The following IGSF21 variants were observed in gnomAD, a reference collection of about 807,000 sequenced individuals.
IGSF21 encodes the protein immunoglobulin superfamily member 21.
IGSF21 carries 28 observed loss-of-function variants against 46.8 expected under a neutral mutation model. The observed-to-expected ratio is 0.60, with a 90% CI of 0.44 to 0.82. IGSF21 has a LOEUF of 0.82. IGSF21 is among the 40% of genes least tolerant of loss of function. The pLI, the probability that IGSF21 is intolerant of heterozygous loss-of-function variation, is 0.00. For synonymous variants in IGSF21, 284 were observed against 273.6 expected, an observed-to-expected ratio of 1.04 and a Z score of -0.38; for missense variants, 624 against 665.5, an observed-to-expected ratio of 0.94 and a Z score of 0.69.
At chr1:18,241,158 T>C (rs1038012754) in intron 2 of IGSF21, among the ~76,000 whole-genome samples, 1 of 152,150 alleles carries the variant, frequency 6.6e-6, no homozygotes, top group Non-Finnish European at 1.5e-5. Context: ...ACGAATTTTA[T>C]AGGGTTCAGA....
chr1:18,169,338 T>C (rs1447209736), intron 1 of IGSF21, among the ~76,000 whole-genome samples: 1 of 152,150 alleles, frequency 6.6e-6, no homozygotes, highest in Non-Finnish European at 1.5e-5. Flanking sequence ...GCTTGGGGAA[T>C]TCCACTCATG....
At chr1:18,183,165 CGGA>C (rs1228609768) in intron 1 of IGSF21, among the ~76,000 whole-genome samples, 2 of 152,282 alleles carry the variant, frequency 1.3e-5, no homozygotes, top group East Asian at 3.9e-4. Flanking sequence ...ATTCCCCTGG[CGGA>C]GGCACGATCT....
intron 3 of IGSF21, among the ~76,000 whole-genome samples, chr1:18,300,511 C>A (rs528753234): frequency 2.0e-5 from 3 of 152,202 alleles, no homozygotes; most frequent in Non-Finnish European, 4.4e-5. Context: ...AGAGTCCATT[C>A]CCTGAGGCCA....
At chr1:18,185,697 C>T (rs2086896875) in intron 1 of IGSF21, among the ~76,000 whole-genome samples, 1 of 152,218 alleles carries the variant, frequency 6.6e-6, no homozygotes, top group Admixed American at 6.5e-5. Context: ...AACTTTACCT[C>T]TCCGTGCCTC....
intron 1 of IGSF21, among the ~76,000 whole-genome samples, chr1:18,144,015 G>T (rs1382911443): frequency 1.3e-5 from 2 of 152,214 alleles, no homozygotes; most frequent in Non-Finnish European, 2.9e-5. Flanking sequence ...GATGGCAGAA[G>T]ACTGTCTCCC....
chr1:18,151,736 G>C (rs749166610), intron 1 of IGSF21, among the ~76,000 whole-genome samples: 1 of 152,146 alleles, frequency 6.6e-6, no homozygotes, highest in Non-Finnish European at 1.5e-5. Context: ...GGGGGCTGTG[G>C]GGGGCGGGTC....
At chr1:18,146,417 T>C (rs1308720687) in intron 1 of IGSF21, among the ~76,000 whole-genome samples, 1 of 152,074 alleles carries the variant, frequency 6.6e-6, no homozygotes, top group Non-Finnish European at 1.5e-5. Context: ...GCGGGCGACC[T>C]TGACTGAGTC....
chr1:18,217,865 T>C (rs2084465370), intron 1 of IGSF21, among the ~76,000 whole-genome samples: 1 of 152,344 alleles, frequency 6.6e-6, no homozygotes, highest in Admixed American at 6.5e-5. Flanking sequence ...TCTCCTCACC[T>C]GTAGAATGGG....
chr1:18,252,078 T>G, intron 2 of IGSF21, among the ~76,000 whole-genome samples: 1 of 98,196 alleles, frequency 1.0e-5, no homozygotes, highest in African/African-American at 4.1e-5. Context: ...TGAGATGGAG[T>G]CTCCCTCTGT....
intron 4 of IGSF21, among the ~76,000 whole-genome samples, chr1:18,352,090 T>G (rs537557917): frequency 6.6e-6 from 1 of 152,296 alleles, no homozygotes; most frequent in African/African-American, 2.4e-5. Flanking sequence ...TGAAGTCCTT[T>G]GATCCAATCA....
chr1:18,368,563 G>T (rs983454287), intron 6 of IGSF21, among the ~76,000 whole-genome samples: 1 of 144,466 alleles, frequency 6.9e-6, no homozygotes, highest in Non-Finnish European at 1.5e-5. Flanking sequence ...GCATCACAAG[G>T]CCAGGCCCTG....
intron 2 of IGSF21, among the ~76,000 whole-genome samples, chr1:18,286,836 C>G (rs891080973): frequency 6.6e-6 from 1 of 152,180 alleles, no homozygotes; most frequent in Non-Finnish European, 1.5e-5. Flanking sequence ...ATTTATCGAG[C>G]GAGTGCCATT....
intron 1 of IGSF21, among the ~76,000 whole-genome samples, chr1:18,121,638 A>C (rs1210726515): frequency 6.6e-6 from 1 of 152,130 alleles, no homozygotes; most frequent in Non-Finnish European, 1.5e-5. Flanking sequence ...CATCTGTCGG[A>C]TCTGCCATCC....
At chr1:18,369,304 C>A (rs1408785148) in intron 6 of IGSF21, among the ~76,000 whole-genome samples, 1 of 152,236 alleles carries the variant, frequency 6.6e-6, no homozygotes, top group East Asian at 1.9e-4. Flanking sequence ...GTTTTGAGCA[C>A]CTACTCAGAG....
At chr1:18,161,160 C>G (rs1308439954) in intron 1 of IGSF21, among the ~76,000 whole-genome samples, 2 of 152,132 alleles carry the variant, frequency 1.3e-5, no homozygotes, top group African/African-American at 4.8e-5. Context: ...TCGGCCCTCT[C>G]CCGTTTTAGC....
chr1:18,184,258 A>G (rs2086882466), intron 1 of IGSF21, among the ~76,000 whole-genome samples: 1 of 152,108 alleles, frequency 6.6e-6, no homozygotes, highest in Non-Finnish European at 1.5e-5. Flanking sequence ...AGATGATGAG[A>G]GATATTCCAA....
intron 1 of IGSF21, among the ~76,000 whole-genome samples, chr1:18,125,782 G>A (rs1369257195): frequency 6.6e-6 from 1 of 152,198 alleles, no homozygotes; most frequent in Non-Finnish European, 1.5e-5. Flanking sequence ...AGTAGTAACT[G>A]CTATGAAGAA....
At chr1:18,237,553 T>A (rs781120763) in intron 2 of IGSF21, among the ~76,000 whole-genome samples, 3 of 152,168 alleles carry the variant, frequency 2.0e-5, no homozygotes, top group African/African-American at 7.2e-5. Flanking sequence ...TATTACTTCA[T>A]CTTCTCTTTT....
At chr1:18,271,726 C>G (rs911258491) in intron 2 of IGSF21, among the ~76,000 whole-genome samples, 2 of 152,184 alleles carry the variant, frequency 1.3e-5, no homozygotes, top group Non-Finnish European at 2.9e-5. Flanking sequence ...CAGTCTTGGG[C>G]TCAAACCCAC....
Sources: gnomAD v4.1 joint callset for allele counts (sites outside exome capture counted in the v4.1 genomes callset) on GRCh38, gnomAD v4.1.1 for gene constraint, MANE v1.5 for transcripts, NCBI Gene and HGNC (gene_info 2026-07-23, HGNC 2026-07-21) for gene names.